The following CPQ variants were observed in gnomAD, a reference collection of about 807,000 sequenced individuals.
CPQ encodes Ser-Met dipeptidase.
A neutral mutation model predicts 45.7 loss-of-function variants in CPQ; 37 were observed. The observed-to-expected ratio is 0.81, with a 90% CI of 0.62 to 1.07. The LOEUF (loss-of-function observed/expected upper bound fraction) is 1.07. CPQ is among the 50% of genes least tolerant of loss of function. CPQ has a pLI of 0.00. For missense variants in CPQ, 537 were observed against 572.9 expected (o/e 0.94, Z 0.64); for synonymous variants, 186 against 205.8 (o/e 0.90, Z 0.82).
At chr8:97,056,827 G>A (rs1810462593) in intron 6 of CPQ, among the ~76,000 whole-genome samples, 1 of 152,130 alleles carries the variant, frequency 6.6e-6, no homozygotes, top group Non-Finnish European at 1.5e-5. Flanking sequence ...CAAGATCCCT[G>A]CTCTCATGGG....
chr8:96,674,200 C>T lies in CPQ; in HGVS notation c.-35+28798C>T, dbSNP rs186870132. Among the ~76,000 whole-genome samples the T allele has an allele frequency of 1.4e-4, 21 of 152,186 alleles. 1 individual carries two copies. In the East Asian group the frequency reaches 2.9e-3, roughly 21 times the overall value. Reference sequence around the variant, plus strand: ...TCCCAGTGGAAAACCAAGTTGGACACAAAGTTCTGAAGAGGAAAGGAGTCT... The same window carrying T: ...TCCCAGTGGAAAACCAAGTTGGACATAAAGTTCTGAAGAGGAAAGGAGTCT... On this transcript the variant is annotated intron_variant, in intron 1 of 7. Transcript: ENST00000220763.
chr8:96,826,291 A>G (rs1563506772), intron 2 of CPQ, among the ~76,000 whole-genome samples: 1 of 152,040 alleles, frequency 6.6e-6, no homozygotes, highest in Non-Finnish European at 1.5e-5. Flanking sequence ...ATCTTCCCTA[A>G]GGTATCACAT....
intron 5 of CPQ, among the ~76,000 whole-genome samples, chr8:96,991,401 C>T (rs1483471116): frequency 6.6e-6 from 1 of 151,874 alleles, no homozygotes; most frequent in African/African-American, 2.4e-5. Flanking sequence ...ACTAAACATA[C>T]ACAAATTAGC....
chr8:96,922,374 G>A (rs1432764592), intron 4 of CPQ, among the ~76,000 whole-genome samples: 1 of 151,902 alleles, frequency 6.6e-6, no homozygotes, highest in Non-Finnish European at 1.5e-5. Context: ...AACGCTTTTT[G>A]CAAACAGAGC....
rs534711616 is a variant in CPQ at position 97,127,926 on chromosome 8, G to A, written c.1256-15094G>A. Among the ~76,000 whole-genome samples the A allele has an allele frequency of 3.3e-5, 5 of 152,292 alleles. No individual in the cohort carries two copies. The South Asian group carries it at 6.2e-4, about 19-fold the overall frequency. Reference sequence around the variant, plus strand: ...ACAGGAATCAAACCAATGGTTGCCCGAGACGGGGGTGGGAAGGAATGGACT... The same window carrying A: ...ACAGGAATCAAACCAATGGTTGCCCAAGACGGGGGTGGGAAGGAATGGACT... On this transcript the variant is annotated intron_variant, in intron 7 of 7. Transcript: ENST00000220763.
intron 1 of CPQ, among the ~76,000 whole-genome samples, chr8:96,713,830 G>T (rs1353082320): frequency 6.6e-6 from 1 of 152,104 alleles, no homozygotes; most frequent in South Asian, 2.1e-4. Context: ...TTGTAGGGCT[G>T]GTGTGGTAGT....
At chr8:96,871,369 C>T (rs1186857970) in intron 3 of CPQ, among the ~76,000 whole-genome samples, 2 of 151,930 alleles carry the variant, frequency 1.3e-5, no homozygotes, top group African/African-American at 4.8e-5. Flanking sequence ...GCTGGCACTA[C>T]AGAAAGATTC....
intron 1 of CPQ, among the ~76,000 whole-genome samples, chr8:96,774,725 G>A (rs1434745721): frequency 6.6e-6 from 1 of 152,170 alleles, no homozygotes; most frequent in African/African-American, 2.4e-5. Context: ...TCTGAGTTTG[G>A]TGTTGGATAT....
intron 5 of CPQ, among the ~76,000 whole-genome samples, chr8:97,011,801 G>A (rs1328263558): frequency 6.6e-6 from 1 of 152,062 alleles, no homozygotes; most frequent in East Asian, 1.9e-4. Flanking sequence ...AGTCAATCTT[G>A]GTCCCTTCTC....
rs557528674 is a variant in CPQ, at chr8:96,746,657, C to T, written c.-34-38207C>T. On this transcript the variant is annotated intron_variant, in intron 1 of 7. Coordinates refer to ENST00000220763, the MANE Select transcript of CPQ (RefSeq NM_016134.4). The stretch of plus-strand genomic sequence containing the variant: ...GTGCCTCTCCCTGCACTGTACCTCT[C>T]GAGGTATCCAGTAGTGGCAGTTGAA... 3.9e-4 allele frequency among the ~76,000 whole-genome samples: 59 copies of T among 152,268 alleles called. 1 individual carries two copies. Among genetic ancestry groups the T allele is most frequent in the African/African-American group, 1.3e-3 (53 of 41,554 alleles).
At chr8:96,988,705 C>A (rs1448969066) in intron 5 of CPQ, among the ~76,000 whole-genome samples, 2 of 152,162 alleles carry the variant, frequency 1.3e-5, no homozygotes, top group Non-Finnish European at 2.9e-5. Flanking sequence ...TTAAGAACAG[C>A]TGGCAATTTA....
chr8:96,840,902 G>A (rs1811596684), intron 3 of CPQ, among the ~76,000 whole-genome samples: 1 of 152,216 alleles, frequency 6.6e-6, no homozygotes, highest in Non-Finnish European at 1.5e-5. Context: ...TGTGGTTTTA[G>A]AGAAAAACCA....
At position 97,029,505 on chromosome 8, in the gene CPQ, A is replaced by G; in HGVS notation, c.1053+11A>G. The G allele has an allele frequency of 6.3e-7, 1 of 1,593,334 alleles. No homozygotes were observed. The highest frequency in any genetic ancestry group is 8.6e-7 in the Non-Finnish European group (1 of 1,167,386). ...TATCAGTTACACAAGGTAAAAACCCAGCTGTGGATTGCTAAGCATTTGTAC... is the reference window on the plus strand; with the variant it reads ...TATCAGTTACACAAGGTAAAAACCCGGCTGTGGATTGCTAAGCATTTGTAC... On this transcript the variant is annotated intron_variant, in intron 6 of 7. Coordinates refer to ENST00000220763, the MANE Select transcript of CPQ (RefSeq NM_016134.4).
chr8:96,827,066 A>T lies in CPQ; in HGVS notation c.434-7907A>T, dbSNP rs150814973. 3.1e-3 allele frequency among the ~76,000 whole-genome samples: 465 copies of T among 152,066 alleles called. 2 individuals carry two copies. Among genetic ancestry groups the T allele is most frequent in the African/African-American group, 0.011 (438 of 41,494 alleles). ...TCCTTAAAGCTCCTGCTCAATTATG[A>T]CTGTATATCATGCGTATTCATATTC... On this transcript the variant is annotated intron_variant, in intron 2 of 7. Coordinates refer to ENST00000220763, the MANE Select transcript of CPQ (RefSeq NM_016134.4).
At chr8:96,919,661 G>T (rs1219279802) in intron 4 of CPQ, among the ~76,000 whole-genome samples, 1 of 152,152 alleles carries the variant, frequency 6.6e-6, no homozygotes, top group African/African-American at 2.4e-5. Context: ...ACCTAGAAAA[G>T]ATTGGAAGAA....
intron 2 of CPQ, among the ~76,000 whole-genome samples, chr8:96,822,242 G>C (rs564360335): frequency 1.3e-5 from 2 of 151,894 alleles, no homozygotes; most frequent in East Asian, 3.9e-4. Flanking sequence ...TCTTTTTTTG[G>C]TAAGGCCGAA....
chr8:96,647,460 A>G (rs2130700445), intron 1 of CPQ, among the ~76,000 whole-genome samples: 1 of 152,294 alleles, frequency 6.6e-6, no homozygotes, highest in South Asian at 2.1e-4. Context: ...CTATATATCT[A>G]AGAGCTAGAT....
chr8:96,708,705 G>T (rs900519470), intron 1 of CPQ, among the ~76,000 whole-genome samples: 1 of 152,000 alleles, frequency 6.6e-6, no homozygotes, highest in African/African-American at 2.4e-5. Context: ...TATAGCTATG[G>T]TTGTTCTAGA....
intron 1 of CPQ, among the ~76,000 whole-genome samples, chr8:96,743,725 A>G (rs1311958148): frequency 6.6e-6 from 1 of 151,976 alleles, no homozygotes; most frequent in Non-Finnish European, 1.5e-5. Flanking sequence ...GTCTGTTGGA[A>G]TACCCTGCCA....
Sources: gnomAD v4.1 joint callset for allele counts (sites outside exome capture counted in the v4.1 genomes callset) on GRCh38, gnomAD v4.1.1 for gene constraint, MANE v1.5 for transcripts, NCBI Gene and HGNC (gene_info 2026-07-23, HGNC 2026-07-21) for gene names.